Variants in WARS2 observed in about 807,000 individuals in gnomAD.
WARS2 encodes tryptophanyl tRNA synthetase 2, mitochondrial.
Under a neutral mutation model 36.5 loss-of-function variants are expected in WARS2, and 28 were observed. The ratio of observed to expected loss-of-function variants is 0.77; its 90% CI spans 0.57 to 1.05. WARS2 has a LOEUF of 1.05. Among genes scored for constraint, WARS2 ranks in the 50% least tolerant of loss-of-function variants. The pLI, the probability that WARS2 is intolerant of heterozygous loss-of-function variation, is 0.00. For synonymous variants in WARS2, 174 were observed against 178.4 expected, an observed-to-expected ratio of 0.98 and a Z score of 0.20; for missense variants, 435 against 456.8, an observed-to-expected ratio of 0.95 and a Z score of 0.44.
At chr1:119,078,888 G>A (rs1232864534) in intron 1 of WARS2, among the ~76,000 whole-genome samples, 1 of 151,464 alleles carries the variant, frequency 6.6e-6, no homozygotes, top group Admixed American at 6.6e-5. Flanking sequence ...CTGCAGTTAT[G>A]AAGGTGCACG....
intron 2 of WARS2, among the ~76,000 whole-genome samples, chr1:119,066,477 C>CA (rs34709639): frequency 0.02 from 913 of 46,038 alleles, 46 homozygotes; most frequent in African/African-American, 0.048. Context: ...GGCTCTGTCT[C>CA]AAAAAAAAAA....
chr1:119,036,802 A>C (rs1217701757), intron 4 of WARS2, among the ~76,000 whole-genome samples: 1 of 152,180 alleles, frequency 6.6e-6, no homozygotes, highest in Non-Finnish European at 1.5e-5. Context: ...TAAAAACAAA[A>C]AGGATTTAAA....
intron 2 of WARS2, among the ~76,000 whole-genome samples, chr1:119,061,902 T>G (rs1026021603): frequency 2.0e-5 from 3 of 152,096 alleles, no homozygotes; most frequent in Non-Finnish European, 4.4e-5. Flanking sequence ...ATAAAAATAA[T>G]CCCCAGCTGG....
intron 2 of WARS2, 67 bp downstream of exon 2, chr1:119,076,283 A>G (rs1436611522): frequency 1.3e-6 from 2 of 1,577,610 alleles, no homozygotes; most frequent in Non-Finnish European, 1.7e-6. Context: ...TGTATGAACC[A>G]TTCAACATTT....
Position 119,032,949 on chromosome 1 carries a change from C to G in WARS2, c.1045G>C (p.Val349Leu), listed in dbSNP as rs1170780314. 6.2e-7 allele frequency: 1 copy of G among 1,614,050 alleles called. No individual in the cohort carries two copies. Among genetic ancestry groups the G allele is most frequent in the Non-Finnish European group, 8.5e-7 (1 of 1,179,900 alleles). The change falls in exon 6 of 6, where the codon GTG becomes CTG. Residue 349 changes from valine to leucine, a missense_variant. By Grantham distance (32) the Val-to-Leu change is conservative. Transcript: ENST00000235521. The stretch of plus-strand genomic sequence containing the variant: ...ACCAATTTCTTCACCTCCTGGCACA[C>G]AGTGTATGCTAATTCTTTGGCTTTT... ...SAKAKELAYT[V>L]CQEVKKLVGF...
rs760419506 is a variant in WARS2 at position 119,033,353 on chromosome 1, A to G, written c.641T>C (p.Met214Thr). The change falls in exon 6 of 6, where the codon ATG becomes ACG. Residue 214 changes from methionine (M) to threonine (T), a missense_variant. By Grantham distance (81) the Met-to-Thr change is moderately conservative (BLOSUM62 -1). Coordinates refer to ENST00000235521, the MANE Select transcript of WARS2 (RefSeq NM_015836.4). ...ATCACGTAGGGATTTTACCTTCTTC[A>G]TGGATGCTAGGTTAAAAACACCAAC... The part of the protein sequence containing the change: ...FPVPESILTS[M>T]KKVKSLRDPS... The G allele has an allele frequency of 7.4e-6, 12 of 1,614,072 alleles. No homozygotes were observed. In the East Asian group the frequency reaches 2.2e-4, roughly 30 times the overall value.
intron 1 of WARS2, among the ~76,000 whole-genome samples, chr1:119,099,789 T>C (rs1653726571): frequency 1.3e-5 from 2 of 152,256 alleles, no homozygotes; most frequent in East Asian, 1.9e-4. Context: ...TCTTACCATA[T>C]ACAGAAATCA....
At chr1:119,095,835 G>C (rs972808985) in intron 1 of WARS2, among the ~76,000 whole-genome samples, 3 of 152,226 alleles carry the variant, frequency 2.0e-5, no homozygotes, top group Non-Finnish European at 2.9e-5. Flanking sequence ...TAGAGATGCA[G>C]AGAGGATGTT....
chr1:119,032,803 C>A lies in WARS2; in HGVS notation c.*108G>T, dbSNP rs1479522674. On this transcript the variant is annotated 3_prime_UTR_variant, in exon 6 of 6. Transcript: ENST00000235521. Reference sequence around the variant, plus strand: ...AAATAAAGCCAATAATCAGCTATACCAAATTAAATGTCCCAAAACTATAAC... The same window carrying A: ...AAATAAAGCCAATAATCAGCTATACAAAATTAAATGTCCCAAAACTATAAC... 2.4e-5 allele frequency: 26 copies of A among 1,078,158 alleles called. No homozygotes were observed. In the East Asian group the frequency reaches 6.3e-4, roughly 26 times the overall value. The allele number at this position is 1,078,158 out of a possible 1,614,324, so 66.8% of individuals were successfully genotyped here.
At chr1:119,122,704 G>A (rs1655404684) in intron 1 of WARS2, among the ~76,000 whole-genome samples, 1 of 152,160 alleles carries the variant, frequency 6.6e-6, no homozygotes, top group Non-Finnish European at 1.5e-5. Context: ...ATACTACTCA[G>A]CCATAAAAGG....
At chr1:119,073,160 G>GAA (rs200552851) in intron 2 of WARS2, among the ~76,000 whole-genome samples, 2 of 61,770 alleles carry the variant, frequency 3.2e-5, no homozygotes, top group Admixed American at 2.8e-4. Flanking sequence ...GTTCAAAAAA[G>GAA]AAAAAAAAAA....
intron 1 of WARS2, among the ~76,000 whole-genome samples, chr1:119,106,894 C>G (rs1328692933): frequency 6.6e-6 from 1 of 152,160 alleles, no homozygotes; most frequent in Non-Finnish European, 1.5e-5. Flanking sequence ...GATTGTCTTC[C>G]AAGGTGTCTG....
chr1:119,033,633 C>T (rs1647634273), intron 5 of WARS2, among the ~76,000 whole-genome samples: 1 of 152,058 alleles, frequency 6.6e-6, no homozygotes, highest in African/African-American at 2.4e-5. Context: ...TGATTCTGCC[C>T]AATTATAGAC....
intron 1 of WARS2, among the ~76,000 whole-genome samples, chr1:119,107,581 T>A (rs1654326686): frequency 6.6e-6 from 1 of 152,064 alleles, no homozygotes; most frequent in Non-Finnish European, 1.5e-5. Flanking sequence ...TACAGTCAAC[T>A]GATATAGTCT....
intron 1 of WARS2, among the ~76,000 whole-genome samples, chr1:119,096,975 A>T (rs956983764): frequency 6.6e-6 from 1 of 152,180 alleles, no homozygotes; most frequent in Non-Finnish European, 1.5e-5. Flanking sequence ...ACTCCTGGAC[A>T]TTTTTGGGAA....
intron 2 of WARS2, among the ~76,000 whole-genome samples, chr1:119,068,965 G>A (rs976997870): frequency 9.9e-5 from 15 of 152,056 alleles, no homozygotes; most frequent in African/African-American, 2.4e-5. Context: ...GGGAGAGAAA[G>A]AAAAAGAAAA....
chr1:119,066,579 T>C (rs1426330356), intron 2 of WARS2, among the ~76,000 whole-genome samples: 2 of 141,822 alleles, frequency 1.4e-5, no homozygotes, highest in African/African-American at 5.3e-5. Flanking sequence ...TACAAATCAA[T>C]AGGAAAATAC....
intron 4 of WARS2, among the ~76,000 whole-genome samples, chr1:119,035,808 G>A (rs762786268): frequency 6.6e-5 from 10 of 152,280 alleles, no homozygotes; most frequent in South Asian, 2.1e-4. Flanking sequence ...AATTCTGAGA[G>A]CTCTTTTAAT....
At chr1:119,116,413 C>T (rs1413951038) in intron 1 of WARS2, among the ~76,000 whole-genome samples, 1 of 152,126 alleles carries the variant, frequency 6.6e-6, no homozygotes, top group African/African-American at 2.4e-5. Context: ...TTAGAAAGAA[C>T]AGAACAGTGT....
Sources: gnomAD v4.1 joint callset for allele counts (sites outside exome capture counted in the v4.1 genomes callset) on GRCh38, gnomAD v4.1.1 for gene constraint, MANE v1.5 for transcripts, NCBI Gene and HGNC (gene_info 2026-07-23, HGNC 2026-07-21) for gene names.